Variants in DSC2 observed in about 807,000 individuals in gnomAD.
DSC2 encodes desmocollin-2.
Under a neutral mutation model 87.6 loss-of-function variants are expected in DSC2, and 51 were observed. The ratio of observed to expected loss-of-function variants is 0.58; its 90% CI spans 0.46 to 0.74. The LOEUF is 0.74. DSC2 is among the 30% of genes least tolerant of loss of function. The probability of loss-of-function intolerance (pLI) is 0.00; values close to 1 mark genes in which losing one functional copy is unlikely to be tolerated. For synonymous variants in DSC2, 383 were observed against 393.2 expected, an observed-to-expected ratio of 0.97 and a Z score of 0.31; for missense variants, 1,066 against 1,089.5, an observed-to-expected ratio of 0.98 and a Z score of 0.30.
intron 11 of DSC2, among the ~76,000 whole-genome samples, chr18:31,075,737 C>A (rs1986993561): frequency 6.6e-6 from 1 of 152,096 alleles, no homozygotes; most frequent in Non-Finnish European, 1.5e-5. Flanking sequence ...ATAATATCAG[C>A]TACTCGGGAG....
chr18:31,082,437 A>G lies in DSC2; in HGVS notation c.1078-14T>C. The G allele has an allele frequency of 6.2e-7, 1 of 1,611,514 alleles. No individual in the cohort carries two copies. Among genetic ancestry groups the G allele is most frequent in the Non-Finnish European group, 8.5e-7 (1 of 1,179,522 alleles). The stretch of plus-strand genomic sequence containing the variant: ...TGATGTCACATACTAAAATAATAAA[A>G]GCAAACAAAAAATTTCGTTAGTAAC... On this transcript the variant is annotated splice_polypyrimidine_tract_variant and intron_variant, in intron 8 of 15. Coordinates refer to ENST00000280904, the MANE Select transcript of DSC2 (RefSeq NM_024422.6).
intron 14 of DSC2, among the ~76,000 whole-genome samples, 166 bp from the exon 15 acceptor site, chr18:31,069,317 G>A (rs1986748926): frequency 6.6e-6 from 1 of 152,080 alleles, no homozygotes; most frequent in Non-Finnish European, 1.5e-5. Flanking sequence ...ACCCAACTAT[G>A]GAAACCCCAT....
rs115072280 is a variant in DSC2, at chr18:31,092,749, C to A, written c.155-449G>T. Among the ~76,000 whole-genome samples the A allele has an allele frequency of 2.1e-3, 321 of 152,072 alleles. 2 individuals carry two copies. The highest frequency in any genetic ancestry group is 7.6e-3 in the African/African-American group (314 of 41,524). ...CATTTTATGCTATCATTGGATTGAT[C>A]TTTTCTTACAGAATTATGTGAAATA... is the stretch of plus-strand genomic sequence containing the variant. On this transcript the variant is annotated intron_variant, in intron 2 of 15. Coordinates refer to ENST00000280904, the MANE Select transcript of DSC2 (RefSeq NM_024422.6).
chr18:31,071,917 A>T, intron 12 of DSC2, 76 bp from the exon 13 acceptor site: 1 of 1,291,340 alleles, frequency 7.7e-7, no homozygotes, highest in Non-Finnish European at 1.1e-6. Flanking sequence ...ACTCATTATC[A>T]GATAGTTATA....
rs987771097 is a variant in DSC2 at position 31,061,370 on chromosome 18, TC to T, written c.*6644del. 6.6e-6 allele frequency: 1 copy of T among 152,210 alleles called. No homozygotes were observed. Among genetic ancestry groups the T allele is most frequent in the Non-Finnish European group, 1.5e-5 (1 of 68,056 alleles). 9.4% of individuals were successfully genotyped at this position (152,210 alleles called of 1,614,324 possible). ...TTTCTGTAGGGATACAAAGGTACAGTCACAAAGGGAAGAGAGAATGAAACAA... is the reference window on the plus strand; with the variant it reads ...TTTCTGTAGGGATACAAAGGTACAGTACAAAGGGAAGAGAGAATGAAACAA... On this transcript the variant is annotated 3_prime_UTR_variant, in exon 16 of 16. Coordinates refer to ENST00000280904, the MANE Select transcript of DSC2 (RefSeq NM_024422.6).
intron 14 of DSC2, 150 bp from the exon 15 acceptor site, chr18:31,069,301 C>T: frequency 2.0e-6 from 2 of 1,017,810 alleles, no homozygotes; most frequent in Non-Finnish European, 2.9e-6. Flanking sequence ...TTTGTGAATC[C>T]TGCATACCCA....
intron 8 of DSC2, 83 bp from the exon 9 acceptor site, chr18:31,082,506 T>A: frequency 8.0e-7 from 1 of 1,242,286 alleles, no homozygotes; most frequent in Non-Finnish European, 1.2e-6. Context: ...CCTACTCTTC[T>A]AATTTCCAAA....
chr18:31,080,174 T>C lies in DSC2; in HGVS notation c.1442A>G (p.Lys481Arg). ...CNPPIQTVRM[K>R]ENAEVGTTSN... ...TGTTGTTCCCACTTCTGCATTTTCTTTCATGCGAACAGTCTGTATTGGAGG... is the reference window on the plus strand; with the variant it reads ...TGTTGTTCCCACTTCTGCATTTTCTCTCATGCGAACAGTCTGTATTGGAGG... The change falls in exon 10 of 16, where the codon AAA (lysine) becomes AGA (arginine). Residue 481 changes from lysine (K) to arginine (R), a missense_variant. Lys to Arg is a conservative substitution (Grantham distance 26). Transcript: ENST00000280904. 2 of 1,614,156 alleles carry C rather than the reference T, an allele frequency of 1.2e-6. No homozygotes were observed. Among genetic ancestry groups the C allele is most frequent in the Non-Finnish European group, 1.7e-6 (2 of 1,180,030 alleles).
At chr18:31,070,964 A>T in intron 13 of DSC2, 114 bp from the exon 14 acceptor site, 1 of 1,307,686 alleles carries the variant, frequency 7.6e-7, no homozygotes, top group Non-Finnish European at 1.1e-6. Context: ...TTAAAAGAAG[A>T]CAGCTTTCCT....
chr18:31,100,745 C>A (rs1987915052), intron 1 of DSC2, among the ~76,000 whole-genome samples: 1 of 152,220 alleles, frequency 6.6e-6, no homozygotes, highest in South Asian at 2.1e-4. Context: ...AATTAGCCTT[C>A]CGGGTTCCTC....
rs1255214987 is a variant in DSC2, at chr18:31,082,968, A to G, written c.1035T>C (p.Ile345=). ...TTGGCAAGTGGTCATTTACATCATC[A>G]ATGTTAATGATACAAGTTGAAGTTG... The part of the protein sequence containing the change: ...LQTTSTCIIN[I]DDVNDHLPTF... The change falls in exon 8 of 16, where the codon ATT becomes ATC. Residue 345 remains isoleucine, a synonymous_variant. Coordinates refer to ENST00000280904, the MANE Select transcript of DSC2 (RefSeq NM_024422.6). 1.2e-6 allele frequency: 2 copies of G among 1,613,470 alleles called. No homozygotes were observed. Among genetic ancestry groups the G allele is most frequent in the East Asian group, 2.2e-5 (1 of 44,836 alleles).
Position 31,068,978 on chromosome 18 carries a change from G to A in DSC2, c.2424C>T (p.Ser808=). 1 of 1,614,034 alleles carries A rather than the reference G, an allele frequency of 6.2e-7. No homozygotes were observed. Among genetic ancestry groups the A allele is most frequent in the Middle Eastern group, 1.7e-4 (1 of 6,060 alleles). ...CCACCTCCGTGTGTCCTCCCCTGCA[G>A]GAGTCCAGGGTGTGATGGTGGCCAG... ...RGAGHHHTLD[S]CRGGHTEVDN... The change falls in exon 15 of 16, where the codon TCC becomes TCT. Residue 808 remains serine (S), a synonymous_variant. Transcript: ENST00000280904.
At chr18:31,100,555 T>C (rs761905071) in intron 1 of DSC2, among the ~76,000 whole-genome samples, 8 of 152,224 alleles carry the variant, frequency 5.3e-5, no homozygotes, top group Non-Finnish European at 1.0e-4. Context: ...GTTATTAATA[T>C]GCCCTGAGAA....
chr18:31,075,114 A>G (rs948682927), intron 11 of DSC2, among the ~76,000 whole-genome samples: 2 of 152,176 alleles, frequency 1.3e-5, no homozygotes, highest in Non-Finnish European at 2.9e-5. Flanking sequence ...TGCTATTAAG[A>G]TGTGTTTATT....
intron 14 of DSC2, among the ~76,000 whole-genome samples, chr18:31,070,038 T>G (rs1487563886): frequency 2.0e-5 from 3 of 152,188 alleles, no homozygotes; most frequent in African/African-American, 7.2e-5. Flanking sequence ...CACCAAAGCT[T>G]TGGCCACTAG....
rs794728076 is a variant in DSC2, at chr18:31,080,340, C to T, written c.1276G>A (p.Glu426Lys). The change falls in exon 10 of 16, where the codon GAA becomes AAA. Residue 426 changes from glutamate to lysine, a missense_variant. Glu to Lys is a moderately conservative substitution (Grantham distance 56). Coordinates refer to ENST00000280904, the MANE Select transcript of DSC2 (RefSeq NM_024422.6). ...TGCAAGATCATCTGTTGCTTTTCTTCATAATTCAAAGGCTACGAAAGCAAA... is the reference window on the plus strand; with the variant it reads ...TGCAAGATCATCTGTTGCTTTTCTTTATAATTCAAAGGCTACGAAAGCAAA... ...VLCVVKPLNY[E>K]EKQQMILQIG... 1 of 1,613,860 alleles carries T rather than the reference C, an allele frequency of 6.2e-7. No homozygotes were observed. The highest frequency in any genetic ancestry group is 2.2e-5 in the East Asian group (1 of 44,858).
intron 14 of DSC2, 44 bp downstream of exon 14, chr18:31,070,682 G>A: frequency 1.2e-6 from 2 of 1,611,394 alleles, no homozygotes; most frequent in Non-Finnish European, 8.5e-7. Context: ...CGCATTATAA[G>A]CGAATTCATC....
At chr18:31,087,913 T>C in intron 5 of DSC2, 100 bp from the exon 6 acceptor site, 1 of 1,192,852 alleles carries the variant, frequency 8.4e-7, no homozygotes, top group Non-Finnish European at 1.2e-6. Flanking sequence ...TGTTCAGAAC[T>C]ACAGTATGAG....
rs1364189206 is a variant in DSC2 at position 31,071,685 on chromosome 18, T to A, written c.2045A>T (p.Asp682Val). The change falls in exon 13 of 16, where the codon GAT (aspartate) becomes GTT (valine). Residue 682 changes from aspartate to valine, a missense_variant. Asp to Val is a radical substitution (Grantham distance 152). Transcript: ENST00000280904. Reference sequence around the variant, plus strand: ...TACTCCTCCACCGCCAATCCTTGGATCTACACGATGTGTGCAGTCATTTTC... The same window carrying A: ...TACTCCTCCACCGCCAATCCTTGGAACTACACGATGTGTGCAGTCATTTTC... Reference protein sequence around the residue: ...ITENDCTHRVDPRIGGGGVQL... With the variant: ...ITENDCTHRVVPRIGGGGVQL... The A allele has an allele frequency of 1.9e-6, 3 of 1,614,018 alleles. No individual in the cohort carries two copies. Among genetic ancestry groups the A allele is most frequent in the Non-Finnish European group, 1.7e-6 (2 of 1,180,024 alleles).
Sources: allele counts gnomAD v4.1 joint callset (sites outside exome capture counted in the v4.1 genomes callset), GRCh38; gene constraint gnomAD v4.1.1; transcripts MANE v1.5; gene names NCBI Gene and HGNC (gene_info 2026-07-23, HGNC 2026-07-21).